STAG1: variants seen among roughly 807,000 people sequenced by gnomAD.
STAG1 encodes the protein cohesin subunit SA-1.
In STAG1, 26 loss-of-function variants were observed where a neutral mutation model predicts 170.9. That is an observed-to-expected ratio of 0.15 (90% CI 0.11 to 0.21). The LOEUF (loss-of-function observed/expected upper bound fraction) is 0.21. Among genes scored for constraint, STAG1 ranks in the 10% least tolerant of loss-of-function variants. STAG1 has a pLI of 1.00. For synonymous variants in STAG1, 514 were observed against 497.7 expected (o/e 1.03, Z -0.44); for missense variants, 964 against 1,509.5 (o/e 0.64, Z 5.99).
At chr3:136,522,917 C>T (rs920636700) in intron 6 of STAG1, among the ~76,000 whole-genome samples, 1 of 152,126 alleles carries the variant, frequency 6.6e-6, no homozygotes, top group African/African-American at 2.4e-5. Flanking sequence ...TTTATGGCTG[C>T]ATATTATTCC....
chr3:136,569,078 T>C (rs1324150555), intron 4 of STAG1, among the ~76,000 whole-genome samples: 2 of 152,090 alleles, frequency 1.3e-5, no homozygotes, highest in African/African-American at 2.4e-5. Flanking sequence ...TTGTTTACAA[T>C]AGAATCCAAA....
At chr3:136,466,517 C>A (rs1363541998) in intron 12 of STAG1, among the ~76,000 whole-genome samples, 2 of 152,178 alleles carry the variant, frequency 1.3e-5, no homozygotes, top group African/African-American at 4.8e-5. Context: ...AAGACCAAAT[C>A]TACGTCGGAT....
chr3:136,718,885 C>G (rs1933029499), intron 1 of STAG1, among the ~76,000 whole-genome samples: 1 of 152,024 alleles, frequency 6.6e-6, no homozygotes, highest in Non-Finnish European at 1.5e-5. Context: ...CAAGATCACG[C>G]CACTGCACTC....
intron 10 of STAG1, 69 bp downstream of exon 10, chr3:136,477,220 T>A: frequency 6.7e-7 from 1 of 1,492,682 alleles, no homozygotes. Flanking sequence ...CTACTGTCAT[T>A]TTGATTCCCA....
chr3:136,734,179 CTG>C (rs1275541434), intron 1 of STAG1, among the ~76,000 whole-genome samples: 1 of 151,476 alleles, frequency 6.6e-6, no homozygotes, highest in African/African-American at 2.4e-5. Context: ...CCAGTTTGTA[CTG>C]TCTCTGCTAA....
At chr3:136,344,673 G>A (rs886411761) in intron 29 of STAG1, among the ~76,000 whole-genome samples, 1 of 151,960 alleles carries the variant, frequency 6.6e-6, no homozygotes, top group African/African-American at 2.4e-5. Context: ...GAGTGCAGTG[G>A]CGTGATCTCG....
chr3:136,453,146 G>A (rs112066498), intron 13 of STAG1, among the ~76,000 whole-genome samples: 177 of 151,840 alleles, frequency 1.2e-3, no homozygotes, highest in African/African-American at 2.5e-3. Flanking sequence ...CTTATTATCT[G>A]GAAACATTAT....
At chr3:136,455,596 G>A (rs909605058) in intron 13 of STAG1, among the ~76,000 whole-genome samples, 1 of 152,160 alleles carries the variant, frequency 6.6e-6, no homozygotes, top group African/African-American at 2.4e-5. Flanking sequence ...AGCAACTGGT[G>A]CACATCACAG....
At chr3:136,738,309 G>A (rs907878801) in intron 1 of STAG1, among the ~76,000 whole-genome samples, 2 of 151,900 alleles carry the variant, frequency 1.3e-5, no homozygotes, top group African/African-American at 4.8e-5. Flanking sequence ...TGGCCAACAT[G>A]GTGAAACCCC....
intron 1 of STAG1, among the ~76,000 whole-genome samples, chr3:136,634,464 C>G (rs574022860): frequency 6.6e-6 from 1 of 151,576 alleles, no homozygotes; most frequent in Non-Finnish European, 1.5e-5. Context: ...AAACCCTTAA[C>G]AACAGAATCT....
chr3:136,338,073 A>G lies in STAG1; in HGVS notation c.*181T>C, dbSNP rs1935772467. On this transcript the variant is annotated 3_prime_UTR_variant, in exon 34 of 34. Transcript: ENST00000383202. The stretch of plus-strand genomic sequence containing the variant: ...TCTTTCTGAGTTGACATTCACCAAC[A>G]TTCCCTTGGGTAATTTACATGCTCC... 4 of 570,562 alleles carry G rather than the reference A, an allele frequency of 7.0e-6. No individual in the cohort carries two copies. The highest frequency in any genetic ancestry group is 2.9e-5 in the East Asian group (1 of 34,630). 35.3% of individuals were successfully genotyped at this position (570,562 alleles called of 1,614,324 possible).
chr3:136,472,972 T>C (rs1576504291), intron 11 of STAG1, among the ~76,000 whole-genome samples: 1 of 152,196 alleles, frequency 6.6e-6, no homozygotes, highest in African/African-American at 2.4e-5. Context: ...TGGGAGCAAG[T>C]GAGCCAGTGA....
intron 1 of STAG1, among the ~76,000 whole-genome samples, chr3:136,732,654 G>A (rs1441924503): frequency 6.6e-6 from 1 of 152,052 alleles, no homozygotes; most frequent in Non-Finnish European, 1.5e-5. Flanking sequence ...CTGTCACCCA[G>A]GCTAGAGTGC....
At chr3:136,631,127 A>C in intron 1 of STAG1, 146 bp from the exon 2 acceptor site, 1 of 458,154 alleles carries the variant, frequency 2.2e-6, no homozygotes, top group Non-Finnish European at 3.9e-6. Context: ...AGATGTTTAT[A>C]GCAGTTTTAT....
At chr3:136,519,426 C>T (rs1192023447) in intron 7 of STAG1, among the ~76,000 whole-genome samples, 2 of 152,086 alleles carry the variant, frequency 1.3e-5, no homozygotes, top group Non-Finnish European at 2.9e-5. Flanking sequence ...TTCTCCTTCT[C>T]TCTTGGCCTT....
intron 16 of STAG1, among the ~76,000 whole-genome samples, chr3:136,423,565 C>T (rs1474082165): frequency 6.6e-6 from 1 of 152,174 alleles, no homozygotes; most frequent in Non-Finnish European, 1.5e-5. Context: ...ATAGTTTGTG[C>T]TCATGGAACA....
At chr3:136,410,997 G>A (rs2087609432) in intron 21 of STAG1, among the ~76,000 whole-genome samples, 1 of 152,274 alleles carries the variant, frequency 6.6e-6, no homozygotes, top group South Asian at 2.1e-4. Context: ...GGAGGTTGCA[G>A]TGAGCTGAGA....
At chr3:136,649,943 A>G (rs1420750477) in intron 1 of STAG1, among the ~76,000 whole-genome samples, 1 of 151,772 alleles carries the variant, frequency 6.6e-6, no homozygotes, top group Non-Finnish European at 1.5e-5. Flanking sequence ...AATTCTTTGT[A>G]TTTTTAATAG....
chr3:136,451,823 G>A (rs528769299), intron 14 of STAG1, among the ~76,000 whole-genome samples: 1 of 151,372 alleles, frequency 6.6e-6, no homozygotes, highest in South Asian at 2.1e-4. Flanking sequence ...ACAATTGCCA[G>A]TCTGTATTCA....
Sources: gnomAD v4.1 joint callset for allele counts (sites outside exome capture counted in the v4.1 genomes callset) on GRCh38, gnomAD v4.1.1 for gene constraint, MANE v1.5 for transcripts, NCBI Gene and HGNC (gene_info 2026-07-23, HGNC 2026-07-21) for gene names.